The following NAALADL2 variants were observed in gnomAD, a reference collection of about 807,000 sequenced individuals.
NAALADL2 encodes the protein inactive N-acetylated-alpha-linked acidic dipeptidase-like protein 2.
Under a neutral mutation model 87.2 loss-of-function variants are expected in NAALADL2, and 76 were observed. That is an observed-to-expected ratio of 0.87 (90% CI 0.72 to 1.05). The LOEUF (loss-of-function observed/expected upper bound fraction) is 1.05, where lower values mean the gene tolerates loss of function less well. NAALADL2 is among the 50% of genes least tolerant of loss of function. The pLI, the probability that NAALADL2 is intolerant of heterozygous loss-of-function variation, is 0.00. For missense variants in NAALADL2, 1,089 were observed against 945.8 expected, an observed-to-expected ratio of 1.15 and a Z score of -1.99; for synonymous variants, 354 against 331.0, an observed-to-expected ratio of 1.07 and a Z score of -0.75.
At chr3:175,768,164 G>T (rs1398466651) in intron 13 of NAALADL2, among the ~76,000 whole-genome samples, 2 of 152,064 alleles carry the variant, frequency 1.3e-5, no homozygotes, top group Non-Finnish European at 2.9e-5. Context: ...TCAAACAATG[G>T]TTAGGCTATC....
intron 11 of NAALADL2, among the ~76,000 whole-genome samples, chr3:175,723,450 G>T (rs556521269): frequency 2.0e-5 from 3 of 152,098 alleles, no homozygotes; most frequent in African/African-American, 4.8e-5. Context: ...TAAACATTTA[G>T]ATATTATACT....
intron 3 of NAALADL2, among the ~76,000 whole-genome samples, chr3:175,243,094 C>CAG: frequency 6.6e-6 from 1 of 151,284 alleles, no homozygotes; most frequent in Non-Finnish European, 1.5e-5. Flanking sequence ...CACACACACA[C>CAG]GCACACACAC....
At chr3:175,338,604 A>C (rs1242837378) in intron 5 of NAALADL2, among the ~76,000 whole-genome samples, 2 of 111,962 alleles carry the variant, frequency 1.8e-5, no homozygotes, top group East Asian at 4.6e-4. Flanking sequence ...CAAAAAAAAA[A>C]AAAAAAAAAA....
intron 2 of NAALADL2, among the ~76,000 whole-genome samples, chr3:174,566,807 A>AT (rs1217927933): frequency 1.4e-5 from 2 of 145,234 alleles, no homozygotes; most frequent in African/African-American, 2.5e-5. Flanking sequence ...AGTTCTGTTT[A>AT]TTTTTTCTTT....
intron 1 of NAALADL2, among the ~76,000 whole-genome samples, chr3:174,933,055 T>C (rs2108429755): frequency 6.6e-6 from 1 of 152,276 alleles, no homozygotes; most frequent in South Asian, 2.1e-4. Flanking sequence ...AGGTGGAGGT[T>C]GCAGTGAACC....
chr3:175,361,941 C>A (rs1232969576), intron 5 of NAALADL2, among the ~76,000 whole-genome samples: 1 of 147,634 alleles, frequency 6.8e-6, no homozygotes, highest in South Asian at 2.2e-4. Context: ...AAGTCCTTGC[C>A]CATGCCTATG....
At chr3:175,594,230 A>G (rs768042200) in intron 10 of NAALADL2, among the ~76,000 whole-genome samples, 1 of 152,134 alleles carries the variant, frequency 6.6e-6, no homozygotes, top group African/African-American at 2.4e-5. Context: ...GCTCTCACTT[A>G]TAAGTGAGAA....
chr3:175,455,456 C>A (rs1241107693), intron 6 of NAALADL2, among the ~76,000 whole-genome samples: 1 of 151,928 alleles, frequency 6.6e-6, no homozygotes, highest in Non-Finnish European at 1.5e-5. Context: ...TCAATTTTTA[C>A]ATTTCTGAGG....
At chr3:175,443,114 T>C (rs1157482741) in intron 5 of NAALADL2, among the ~76,000 whole-genome samples, 3 of 152,190 alleles carry the variant, frequency 2.0e-5, no homozygotes, top group Non-Finnish European at 2.9e-5. Flanking sequence ...AATTTAATCT[T>C]AGTGTCTTGT....
In NAALADL2 at chr3:174,510,126, A is replaced by G. The variant is rs1288006972; in HGVS notation, c.-183-40443A>G. 6.6e-5 allele frequency among the ~76,000 whole-genome samples: 10 copies of G among 152,090 alleles called. No individual in the cohort carries two copies. In the South Asian group the frequency reaches 1.4e-3, roughly 22 times the overall value. ...ATGTGTTTTATATATTGGGAAATTA[A>G]ATTTGCTAAAATATTGTTAAGGACT... On this transcript the variant is annotated intron_variant, in intron 1 of 3. Transcript: ENST00000434257.
At chr3:175,695,100 T>G (rs1737571451) in intron 11 of NAALADL2, among the ~76,000 whole-genome samples, 1 of 152,072 alleles carries the variant, frequency 6.6e-6, no homozygotes, top group South Asian at 2.1e-4. Context: ...CTGAGATAAT[T>G]GGGCATTTTT....
chr3:175,024,459 A>G (rs1286489139), intron 1 of NAALADL2, among the ~76,000 whole-genome samples: 1 of 152,110 alleles, frequency 6.6e-6, no homozygotes, highest in Non-Finnish European at 1.5e-5. Context: ...GAAATAGGAG[A>G]TACCTGCTAG....
intron 2 of NAALADL2, among the ~76,000 whole-genome samples, chr3:174,610,455 CA>C (rs900251866): frequency 8.1e-4 from 123 of 151,570 alleles, no homozygotes; most frequent in African/African-American, 2.9e-3. Context: ...CAATGAACTC[CA>C]ACAAATTTAC....
chr3:174,667,549 T>G (rs973201339), intron 2 of NAALADL2, among the ~76,000 whole-genome samples: 3 of 116,486 alleles, frequency 2.6e-5, no homozygotes, highest in African/African-American at 8.8e-5. Flanking sequence ...GAGAGAGTTT[T>G]TTTTTTTTTT....
intron 2 of NAALADL2, among the ~76,000 whole-genome samples, chr3:174,684,444 A>T (rs527638240): frequency 1.3e-5 from 2 of 152,200 alleles, no homozygotes; most frequent in Admixed American, 1.3e-4. Flanking sequence ...CTCTTTACAA[A>T]ATTGAATTTC....
chr3:175,144,903 A>G (rs1308628338), intron 2 of NAALADL2, among the ~76,000 whole-genome samples: 1 of 152,032 alleles, frequency 6.6e-6, no homozygotes, highest in Non-Finnish European at 1.5e-5. Flanking sequence ...AGACTTTGGA[A>G]TCCTGTATGT....
intron 1 of NAALADL2, among the ~76,000 whole-genome samples, chr3:174,905,972 A>G (rs1341688015): frequency 6.6e-6 from 1 of 151,964 alleles, no homozygotes; most frequent in Non-Finnish European, 1.5e-5. Flanking sequence ...GTTTTGAAAA[A>G]CACTGATACA....
chr3:175,408,443 A>AT (rs1480989026), intron 5 of NAALADL2, among the ~76,000 whole-genome samples: 4 of 152,094 alleles, frequency 2.6e-5, no homozygotes, highest in Non-Finnish European at 5.9e-5. Flanking sequence ...TTAAACATAT[A>AT]TAAAAACTAA....
intron 5 of NAALADL2, among the ~76,000 whole-genome samples, chr3:175,359,815 A>G (rs973380149): frequency 6.6e-6 from 1 of 152,146 alleles, no homozygotes; most frequent in Non-Finnish European, 1.5e-5. Context: ...GTACATAGTT[A>G]AGAAATGAAT....
Sources: allele counts gnomAD v4.1 joint callset (sites outside exome capture counted in the v4.1 genomes callset), GRCh38; gene constraint gnomAD v4.1.1; transcripts MANE v1.5; gene names NCBI Gene and HGNC (gene_info 2026-07-23, HGNC 2026-07-21).